The following ASTN2 variants were observed in gnomAD, a reference collection of about 807,000 sequenced individuals.
ASTN2 encodes astrotactin 2, also known as astrotactin-2.
A neutral mutation model predicts 139.8 loss-of-function variants in ASTN2; 54 were observed. The observed-to-expected ratio is 0.39, with a 90% CI of 0.31 to 0.48. The LOEUF (loss-of-function observed/expected upper bound fraction) is 0.48. ASTN2 is among the 20% of genes least tolerant of loss of function. The pLI is 0.95. For synonymous variants in ASTN2, 756 were observed against 719.5 expected, an observed-to-expected ratio of 1.05 and a Z score of -0.81; for missense variants, 1,565 against 1,725.1, an observed-to-expected ratio of 0.91 and a Z score of 1.64.
intron 2 of ASTN2, among the ~76,000 whole-genome samples, chr9:117,236,459 C>A (rs896375150): frequency 4.0e-5 from 6 of 151,694 alleles, no homozygotes; most frequent in Admixed American, 3.3e-4. Flanking sequence ...GAAACTTGTT[C>A]AAAAAAAATG....
chr9:116,840,732 C>T (rs2132303903), intron 11 of ASTN2, among the ~76,000 whole-genome samples: 1 of 143,292 alleles, frequency 7.0e-6, no homozygotes, highest in East Asian at 2.1e-4. Context: ...CTCCTCACAT[C>T]CCGGACGGGG....
intron 6 of ASTN2, among the ~76,000 whole-genome samples, chr9:117,014,631 C>T (rs1837625358): frequency 6.6e-6 from 1 of 152,148 alleles, no homozygotes; most frequent in Non-Finnish European, 1.5e-5. Context: ...GCCCCAAATT[C>T]ATATGCTGCA....
chr9:117,255,263 T>C (rs1404931456), intron 2 of ASTN2, among the ~76,000 whole-genome samples: 1 of 152,220 alleles, frequency 6.6e-6, no homozygotes, highest in East Asian at 1.9e-4. Context: ...ATTTATCGGA[T>C]GCCTACTGTA....
chr9:116,800,812 G>A (rs748632314), intron 13 of ASTN2, among the ~76,000 whole-genome samples: 15 of 152,136 alleles, frequency 9.9e-5, no homozygotes, highest in Admixed American at 2.6e-4. Context: ...GTACAAGTAA[G>A]GTCTGAAATA....
chr9:116,450,698 G>A (rs1363047389), intron 20 of ASTN2, among the ~76,000 whole-genome samples: 3 of 152,150 alleles, frequency 2.0e-5, no homozygotes, highest in African/African-American at 7.2e-5. Context: ...CTTTGGTCTA[G>A]GAGTACCCAA....
At chr9:116,513,489 T>A (rs557791247) in intron 19 of ASTN2, among the ~76,000 whole-genome samples, 1 of 150,484 alleles carries the variant, frequency 6.6e-6, no homozygotes, top group Non-Finnish European at 1.5e-5. Flanking sequence ...TTGGAGTTGC[T>A]CTTCTCAAGG....
At chr9:116,447,876 T>C (rs981989003) in intron 20 of ASTN2, among the ~76,000 whole-genome samples, 3 of 152,172 alleles carry the variant, frequency 2.0e-5, no homozygotes. Flanking sequence ...GTGGTCCCAG[T>C]GGAGATCAGA....
chr9:116,735,694 G>C (rs942874537), intron 13 of ASTN2, among the ~76,000 whole-genome samples: 1 of 152,194 alleles, frequency 6.6e-6, no homozygotes, highest in African/African-American at 2.4e-5. Context: ...TGCTGCACAA[G>C]GTCTCTTCCC....
At chr9:117,181,001 G>T (rs751588630) in intron 3 of ASTN2, 5 of 1,595,430 alleles carry the variant, frequency 3.1e-6, no homozygotes, top group Non-Finnish European at 3.4e-6. Context: ...AAGGCACCTC[G>T]CATGCCTGTT....
chr9:117,332,583 C>CA (rs1828747893), intron 1 of ASTN2, among the ~76,000 whole-genome samples: 1 of 151,840 alleles, frequency 6.6e-6, no homozygotes, highest in Admixed American at 6.6e-5. Flanking sequence ...AACAAACAAA[C>CA]AACAACAACA....
chr9:116,640,565 G>GCACAGTGTTTCCAAAC (rs1304037188), intron 17 of ASTN2, among the ~76,000 whole-genome samples: 4 of 152,184 alleles, frequency 2.6e-5, no homozygotes, highest in East Asian at 1.9e-4. Flanking sequence ...TCTTTGGCAG[G>GCACAGTGTTTCCAAAC]ACAGAGCACA....
chr9:116,854,229 A>G lies in ASTN2; in HGVS notation c.2040+9354T>C, dbSNP rs1263628329. ...AACAATTTTAGCTCTCATCATTGCC[A>G]CCACCACCATACTCAACCCTGCATG... On this transcript the variant is annotated intron_variant, in intron 11 of 22. Transcript: ENST00000313400. 2.0e-5 allele frequency among the ~76,000 whole-genome samples: 3 copies of G among 152,294 alleles called. No homozygotes were observed. The East Asian group carries it at 5.8e-4, about 29-fold the overall frequency.
intron 10 of ASTN2, among the ~76,000 whole-genome samples, chr9:116,865,546 A>C (rs1832993922): frequency 1.3e-5 from 2 of 150,446 alleles, no homozygotes; most frequent in African/African-American, 4.9e-5. Flanking sequence ...GGAGCTCTGG[A>C]GCTGAGAAGG....
At chr9:116,845,206 C>T (rs1832391679) in intron 11 of ASTN2, among the ~76,000 whole-genome samples, 2 of 152,128 alleles carry the variant, frequency 1.3e-5, no homozygotes. Context: ...GCTCCACCTC[C>T]CGGGTTCACG....
At chr9:117,409,264 CTATT>C (rs1229910343) in intron 1 of ASTN2, among the ~76,000 whole-genome samples, 2 of 152,112 alleles carry the variant, frequency 1.3e-5, no homozygotes, top group African/African-American at 2.4e-5. Context: ...CAGCTCATGA[CTATT>C]TATAAGGATT....
At chr9:116,791,720 C>A (rs1830564865) in intron 13 of ASTN2, among the ~76,000 whole-genome samples, 1 of 152,214 alleles carries the variant, frequency 6.6e-6, no homozygotes, top group African/African-American at 2.4e-5. Context: ...TTTAGACCAG[C>A]CTGAGTTACG....
chr9:117,298,670 G>GCA (rs1554717042), intron 1 of ASTN2, among the ~76,000 whole-genome samples: 1 of 136,466 alleles, frequency 7.3e-6, no homozygotes, highest in Admixed American at 7.4e-5. Context: ...ATATATATGT[G>GCA]TATATATATA....
chr9:117,118,587 A>G (rs1281287556), intron 4 of ASTN2, among the ~76,000 whole-genome samples: 4 of 152,218 alleles, frequency 2.6e-5, no homozygotes, highest in Non-Finnish European at 5.9e-5. Context: ...GTCAGATTAT[A>G]AATGTAAATC....
chr9:117,377,900 AT>A (rs1453904411), intron 1 of ASTN2, among the ~76,000 whole-genome samples: 1 of 152,158 alleles, frequency 6.6e-6, no homozygotes, highest in Non-Finnish European at 1.5e-5. Context: ...ACAGATGCAT[AT>A]TTGGATTTAT....
Sources: allele counts gnomAD v4.1 joint callset (sites outside exome capture counted in the v4.1 genomes callset), GRCh38; gene constraint gnomAD v4.1.1; transcripts MANE v1.5; gene names NCBI Gene and HGNC (gene_info 2026-07-23, HGNC 2026-07-21).